STK35: variants seen among roughly 807,000 people sequenced by gnomAD.
STK35 encodes the protein serine/threonine kinase 35.
Under a neutral mutation model 37.3 loss-of-function variants are expected in STK35, and 17 were observed. That is an observed-to-expected ratio of 0.46 (90% CI 0.31 to 0.68). The LOEUF (loss-of-function observed/expected upper bound fraction) is 0.68, where lower values mean the gene tolerates loss of function less well. Ranked by LOEUF, STK35 falls within the 30% of genes least tolerant of loss-of-function variation. The probability of loss-of-function intolerance (pLI) is 0.05; values close to 1 mark genes in which losing one functional copy is unlikely to be tolerated. For missense variants in STK35, 595 were observed against 746.7 expected, an observed-to-expected ratio of 0.80 and a Z score of 2.37; for synonymous variants, 385 against 319.1, an observed-to-expected ratio of 1.21 and a Z score of -2.20.
intron 3 of STK35, among the ~76,000 whole-genome samples, chr20:2,125,814 T>C (rs1457717151): frequency 2.0e-5 from 3 of 152,198 alleles, no homozygotes; most frequent in African/African-American, 7.2e-5. Flanking sequence ...GAGCCACATA[T>C]GCAGCCAGGT....
At chr20:2,113,849 T>C (rs1046706567) in intron 2 of STK35, among the ~76,000 whole-genome samples, 6 of 152,214 alleles carry the variant, frequency 3.9e-5, no homozygotes, top group Admixed American at 2.6e-4. Flanking sequence ...ATTTGATAGA[T>C]GTGAAGACTG....
In STK35 at chr20:2,148,227, T is replaced by C. The variant is rs1190952241; in HGVS notation, c.*4481T>C. ...GAGCCGGGGAGTACATTGCAGTGACTTCTTAAACATTTGTGTGGGACAGAC... is the reference window on the plus strand; with the variant it reads ...GAGCCGGGGAGTACATTGCAGTGACCTCTTAAACATTTGTGTGGGACAGAC... On this transcript the variant is annotated 3_prime_UTR_variant, in exon 4 of 4. Coordinates refer to ENST00000381482, the MANE Select transcript of STK35 (RefSeq NM_080836.4). 6.6e-6 allele frequency: 1 copy of C among 152,664 alleles called. No homozygotes were observed. Among genetic ancestry groups the C allele is most frequent in the African/African-American group, 2.4e-5 (1 of 41,460 alleles). The allele number at this position is 152,664 out of a possible 1,614,324, so 9.5% of individuals were successfully genotyped here.
At chr20:2,139,874 T>G (rs1007943486) in intron 3 of STK35, among the ~76,000 whole-genome samples, 3 of 152,084 alleles carry the variant, frequency 2.0e-5, no homozygotes, top group Non-Finnish European at 4.4e-5. Flanking sequence ...AAGGTAAGGA[T>G]TCATAGCACA....
chr20:2,120,737 C>T (rs376250178), intron 3 of STK35, among the ~76,000 whole-genome samples: 65 of 152,300 alleles, frequency 4.3e-4, no homozygotes, highest in African/African-American at 1.5e-3. Context: ...GATAATACAT[C>T]GGTGAACAAA....
chr20:2,144,659 T>C lies in STK35; in HGVS notation c.*913T>C, dbSNP rs534553128. 1 of 153,158 alleles carries C rather than the reference T, an allele frequency of 6.5e-6. No homozygotes were observed. Among genetic ancestry groups the C allele is most frequent in the Non-Finnish European group, 1.5e-5 (1 of 68,124 alleles). The allele number at this position is 153,158 out of a possible 1,614,324, so 9.5% of individuals were successfully genotyped here. A position where few individuals can be genotyped will look rare whatever the true frequency, so the allele number is the denominator to read the frequency against. ...CACAGCTGGGTCTTCAGCAGGCATC[T>C]GTCACTGCCGTGAGGTCAGCGCTTC... On this transcript the variant is annotated 3_prime_UTR_variant, in exon 4 of 4. Transcript: ENST00000381482.
In STK35 at chr20:2,135,185, C is replaced by T. The variant is rs146877898; in HGVS notation, c.*38-8599C>T. Among the ~76,000 whole-genome samples, 45 of 152,364 alleles carry T rather than the reference C, an allele frequency of 3.0e-4. 1 individual carries two copies. The East Asian group carries it at 7.9e-3, about 27-fold the overall frequency. On this transcript the variant is annotated intron_variant, in intron 3 of 3. Transcript: ENST00000381482. ...CTTAGTAGGTTGCCTCCTGGGAGCA[C>T]ATTCCTATGATTGCATCTGTGCTTT...
rs1265634737 is a variant in STK35, at chr20:2,102,133, A to AG, written c.258dup (p.Lys87GlufsTer30). On this transcript the variant is annotated frameshift_variant, in exon 1 of 4. Transcript: ENST00000381482. LOFTEE classifies it high-confidence loss of function. ...CGGACCATCCCCAGGCAGGGGCTCC[A>AG]GGGGGGAAACGGGCCGCCCGGAAGT... 8 of 1,400,952 alleles carry AG rather than the reference A, an allele frequency of 5.7e-6. No homozygotes were observed. The highest frequency in any genetic ancestry group is 2.9e-5 in the East Asian group (1 of 33,972). The allele number at this position is 1,400,952 out of a possible 1,614,324, so 86.8% of individuals were successfully genotyped here.
At chr20:2,142,790 G>T (rs1986192983) in intron 3 of STK35, among the ~76,000 whole-genome samples, 2 of 152,166 alleles carry the variant, frequency 1.3e-5, no homozygotes, top group African/African-American at 4.8e-5. Context: ...TGTGCAACGA[G>T]GCTGGAGCAC....
chr20:2,121,213 T>C (rs377453942), intron 3 of STK35, among the ~76,000 whole-genome samples: 13 of 152,208 alleles, frequency 8.5e-5, no homozygotes, highest in Admixed American at 1.3e-4. Flanking sequence ...ATATCTGCTC[T>C]TTTGAAAGGA....
rs1057066311 is a variant in STK35, at chr20:2,116,818, G to T, written c.1045G>T (p.Ala349Ser). ...SFMLQLTSAIAFLHKNHIVHR... is the reference protein window; with the variant it reads ...SFMLQLTSAISFLHKNHIVHR... ...CATGCTACAGCTGACGAGCGCCATT[G>T]CCTTCCTGCACAAAAACCATATTGT... The change falls in exon 3 of 4, where the codon GCC becomes TCC. Residue 349 changes from alanine (A) to serine (S), a missense_variant. By Grantham distance (99) the Ala-to-Ser change is moderately conservative (BLOSUM62 1). This residue lies in a region of STK35 where 109 missense variants were observed against 280.3 expected (regional missense o/e 0.39). Transcript: ENST00000381482. 6.2e-7 allele frequency: 1 copy of T among 1,614,124 alleles called. No homozygotes were observed. Among genetic ancestry groups the T allele is most frequent in the East Asian group, 2.2e-5 (1 of 44,878 alleles).
intron 3 of STK35, among the ~76,000 whole-genome samples, chr20:2,120,016 G>C (rs924895959): frequency 7.2e-5 from 11 of 152,340 alleles, no homozygotes; most frequent in African/African-American, 2.6e-4. Context: ...AGTCCCCAAA[G>C]CTAGGTTTAG....
chr20:2,121,660 AGAG>A (rs1248160111), intron 3 of STK35, among the ~76,000 whole-genome samples: 1 of 152,202 alleles, frequency 6.6e-6, no homozygotes, highest in Admixed American at 6.5e-5. Context: ...GGTATAGACA[AGAG>A]GAGGTCAGAG....
intron 3 of STK35, among the ~76,000 whole-genome samples, chr20:2,140,765 G>A (rs929379694): frequency 6.6e-5 from 10 of 152,160 alleles, no homozygotes; most frequent in Non-Finnish European, 1.2e-4. Context: ...TCCTGGCATG[G>A]GACCCAGTGA....
intron 3 of STK35, among the ~76,000 whole-genome samples, chr20:2,136,440 C>G (rs1012688926): frequency 6.6e-6 from 1 of 152,224 alleles, no homozygotes; most frequent in African/African-American, 2.4e-5. Context: ...GGACACGGTC[C>G]CAGCTCTGTC....
At chr20:2,123,221 A>G (rs1433658501) in intron 3 of STK35, among the ~76,000 whole-genome samples, 2 of 152,200 alleles carry the variant, frequency 1.3e-5, no homozygotes, top group African/African-American at 2.4e-5. Flanking sequence ...GCTGAAGGAA[A>G]TCAGATGTTG....
Position 2,117,153 on chromosome 20 carries a change from G to A in STK35, c.1380G>A (p.Lys460=), listed in dbSNP as rs1465308067. The stretch of plus-strand genomic sequence containing the variant: ...CTTTTATTGACTCTGAGACCAAGAA[G>A]GAGCTCCTGGGGACCTACATTAAAC... ...RITFIDSETK[K]ELLGTYIKQG... Residue 460 remains lysine, a synonymous_variant, in exon 3 of 4, where the codon AAG becomes AAA. Coordinates refer to ENST00000381482, the MANE Select transcript of STK35 (RefSeq NM_080836.4). The surrounding 1 kb of genome is among the most constrained non-coding windows in gnomAD (Gnocchi z 4.4). The A allele has an allele frequency of 6.2e-7, 1 of 1,613,960 alleles. No homozygotes were observed. Among genetic ancestry groups the A allele is most frequent in the Non-Finnish European group, 8.5e-7 (1 of 1,179,918 alleles).
intron 2 of STK35, among the ~76,000 whole-genome samples, chr20:2,108,489 G>A (rs1043107103): frequency 6.6e-6 from 1 of 152,112 alleles, no homozygotes; most frequent in Non-Finnish European, 1.5e-5. Flanking sequence ...CAGCCTGGGC[G>A]ACAGAGCAAG....
At chr20:2,119,032 T>C (rs980800100) in intron 3 of STK35, among the ~76,000 whole-genome samples, 1 of 152,226 alleles carries the variant, frequency 6.6e-6, no homozygotes, top group East Asian at 1.9e-4. Flanking sequence ...TGCTAGGCTC[T>C]GGGGTGACAT....
chr20:2,140,102 G>T (rs1321052423), intron 3 of STK35, among the ~76,000 whole-genome samples: 2 of 152,208 alleles, frequency 1.3e-5, no homozygotes, highest in Non-Finnish European at 2.9e-5. Context: ...CTGTTTTCTT[G>T]TGAAAACTGG....
Sources: gnomAD v4.1 joint callset for allele counts (sites outside exome capture counted in the v4.1 genomes callset) on GRCh38, gnomAD v4.1.1 for gene constraint, gnomAD v4.1.1 regional missense constraint, Gnocchi (gnomAD v3.1) non-coding constraint, MANE v1.5 for transcripts, NCBI Gene and HGNC (gene_info 2026-07-23, HGNC 2026-07-21) for gene names.